Variants in SLC6A16 observed in about 807,000 individuals in gnomAD.
SLC6A16 encodes solute carrier family 6 member 16.
Under a neutral mutation model 65.4 loss-of-function variants are expected in SLC6A16, and 54 were observed. That is an observed-to-expected ratio of 0.83 (90% CI 0.66 to 1.04). The LOEUF (loss-of-function observed/expected upper bound fraction) is 1.04. Among genes scored for constraint, SLC6A16 ranks in the 50% least tolerant of loss-of-function variants. The pLI is 0.00. For synonymous variants in SLC6A16, 330 were observed against 346.5 expected, an observed-to-expected ratio of 0.95 and a Z score of 0.53; for missense variants, 816 against 914.0, an observed-to-expected ratio of 0.89 and a Z score of 1.38.
intron 7 of SLC6A16, among the ~76,000 whole-genome samples, chr19:49,303,612 G>A (rs1304632432): frequency 2.7e-5 from 4 of 148,746 alleles, no homozygotes; most frequent in Non-Finnish European, 4.4e-5. Flanking sequence ...CTGAGATCAC[G>A]CCACTGCACT....
the SLC6A16 span, chr19:49,331,858 G>A: frequency 2.2e-6 from 1 of 456,280 alleles, no homozygotes; most frequent in South Asian, 1.5e-5. Flanking sequence ...CCAAGTTGGT[G>A]AGCATCAAAG....
At chr19:49,336,871 G>A in the SLC6A16 span, 1 of 1,610,504 alleles carries the variant, frequency 6.2e-7, no homozygotes, top group South Asian at 1.1e-5. Flanking sequence ...CTGGAGCTGT[G>A]CCACACAGCT....
the SLC6A16 span, among the ~76,000 whole-genome samples, chr19:49,331,217 G>T: frequency 3.3e-5 from 5 of 152,082 alleles, no homozygotes; most frequent in South Asian, 8.3e-4. Flanking sequence ...GTCTTGCTCT[G>T]TCATCCAGGC....
rs114152936 is a variant in SLC6A16 at position 49,317,030 on chromosome 19, T to C, written c.-64-5619A>G. On this transcript the variant is annotated intron_variant, in intron 1 of 11. Coordinates refer to ENST00000335875, the MANE Select transcript of SLC6A16 (RefSeq NM_014037.3). ...CCAGCCTGAGCAACAGAGTGGGACC[T>C]CATTCTCTAAAAAAATAAAATAAAA... Among the ~76,000 whole-genome samples the C allele has an allele frequency of 2.1e-3, 308 of 149,938 alleles. 1 individual carries two copies. Among genetic ancestry groups the C allele is most frequent in the African/African-American group, 7.2e-3 (291 of 40,616 alleles).
intron 7 of SLC6A16, among the ~76,000 whole-genome samples, chr19:49,299,098 T>TA (rs945581102): frequency 1.3e-5 from 2 of 151,616 alleles, no homozygotes; most frequent in African/African-American, 2.4e-5. Flanking sequence ...ACTAAAAAAT[T>TA]AGCCGGGCAT....
At chr19:49,335,306 G>A in the SLC6A16 span, 1 of 559,340 alleles carries the variant, frequency 1.8e-6, no homozygotes, top group Non-Finnish European at 3.2e-6. The surrounding 1 kb of genome is among the most constrained non-coding windows in gnomAD (Gnocchi z 4.6). Context: ...ACCAGAGCAT[G>A]TGTCCCAGTG....
intron 1 of SLC6A16, 118 bp downstream of exon 1, chr19:49,324,930 G>T: frequency 3.5e-6 from 2 of 568,168 alleles, no homozygotes; most frequent in Non-Finnish European, 4.5e-6. Flanking sequence ...GAGGCTCCCA[G>T]CCAGTCACCT....
chr19:49,340,256 G>A, the SLC6A16 span: 1 of 1,613,318 alleles, frequency 6.2e-7, no homozygotes, highest in Admixed American at 1.7e-5. Flanking sequence ...TATAGCTCGG[G>A]TTCATGACGC....
intron 7 of SLC6A16, among the ~76,000 whole-genome samples, chr19:49,304,268 T>C (rs1970340601): frequency 6.6e-6 from 1 of 152,218 alleles, no homozygotes; most frequent in South Asian, 2.1e-4. Flanking sequence ...CACACTTGTA[T>C]GTCTGATTAG....
chr19:49,337,480 G>A, the SLC6A16 span: 1 of 608,452 alleles, frequency 1.6e-6, no homozygotes, highest in South Asian at 2.0e-5. Context: ...AAAAAATCCG[G>A]GTGTGATGGT....
At chr19:49,329,648 G>A (rs1433265861), upstream of SLC6A16, among the ~76,000 whole-genome samples, 2 of 35,380 alleles carry the variant, frequency 5.7e-5, no homozygotes, top group Non-Finnish European at 1.2e-4. Context: ...TTTTTTTTTT[G>A]AGACAGTCTA....
chr19:49,301,531 C>T (rs1348565262), intron 7 of SLC6A16, among the ~76,000 whole-genome samples: 1 of 152,198 alleles, frequency 6.6e-6, no homozygotes, highest in Non-Finnish European at 1.5e-5. Flanking sequence ...GTGCAGCTCC[C>T]CACAGTTTTC....
chr19:49,305,851 C>T (rs982875831), intron 7 of SLC6A16: 1 of 152,114 alleles, frequency 6.6e-6, no homozygotes, highest in Admixed American at 6.5e-5. Context: ...AAAATGTGCA[C>T]ATATGTAGTA....
chr19:49,293,338 G>A lies in SLC6A16; in HGVS notation c.1663C>T (p.Arg555Ter), dbSNP rs544619102. Reference sequence around the variant, plus strand: ...CTGATGAAGTAGCTGCCTGAAGGTCGAGTGAAGAAGAGGCCGCACACGAAC... The same window carrying A: ...CTGATGAAGTAGCTGCCTGAAGGTCAAGTGAAGAAGAGGCCGCACACGAAC... ...LMFVCGLFFT[R>*]PSGSYFIRLL... Residue 555 changes from arginine to a stop codon, truncating the protein, a stop_gained, in exon 10 of 12, where the codon CGA becomes TGA. Transcript: ENST00000335875. LOFTEE classifies it high-confidence loss of function. 39 of 1,614,130 alleles carry A rather than the reference G, an allele frequency of 2.4e-5. No individual in the cohort carries two copies. The highest frequency in any genetic ancestry group is 6.7e-5 in the Admixed American group (4 of 60,022).
rs1050702230 is a variant in SLC6A16 at position 49,325,183 on chromosome 19, C to T, written c.-200G>A. ...TCGACAGATCGGTTTGGGCGACACCCCTCGATCTGCCTGGCGCGCGGCCTT... is the reference window on the plus strand; with the variant it reads ...TCGACAGATCGGTTTGGGCGACACCTCTCGATCTGCCTGGCGCGCGGCCTT... On this transcript the variant is annotated 5_prime_UTR_variant, in exon 1 of 12. Transcript: ENST00000335875. 3.0e-6 allele frequency: 3 copies of T among 985,548 alleles called. No individual in the cohort carries two copies. Among genetic ancestry groups the T allele is most frequent in the Non-Finnish European group, 3.6e-6 (3 of 829,988 alleles). 61.1% of individuals were successfully genotyped at this position (985,548 alleles called of 1,614,324 possible).
chr19:49,291,401 C>T (rs1970076286), intron 10 of SLC6A16, among the ~76,000 whole-genome samples: 1 of 151,926 alleles, frequency 6.6e-6, no homozygotes, highest in Non-Finnish European at 1.5e-5. Context: ...CTGGGATTTT[C>T]TGCTTATATA....
chr19:49,309,445 T>A, intron 5 of SLC6A16, 34 bp from the exon 6 acceptor site: 1 of 1,521,958 alleles, frequency 6.6e-7, no homozygotes, highest in Non-Finnish European at 9.1e-7. Flanking sequence ...AGCAACCGTG[T>A]ACCAGTAGGG....
intron 7 of SLC6A16, 86 bp from the exon 8 acceptor site, chr19:49,294,639 C>A (rs905710539): frequency 1.6e-6 from 2 of 1,217,684 alleles, no homozygotes; most frequent in East Asian, 2.3e-5. Flanking sequence ...ATAAAAAAGG[C>A]TATCACTGGC....
At chr19:49,338,145 A>G in the SLC6A16 span, 3 of 1,475,064 alleles carry the variant, frequency 2.0e-6, no homozygotes, top group Admixed American at 4.8e-5. The surrounding 1 kb of genome is among the most constrained non-coding windows in gnomAD (Gnocchi z 5.0). Context: ...ACACACCCCA[A>G]TCCCTCCCAG....
Sources: gnomAD v4.1 joint callset for allele counts (sites outside exome capture counted in the v4.1 genomes callset) on GRCh38, gnomAD v4.1.1 for gene constraint, Gnocchi (gnomAD v3.1) non-coding constraint, MANE v1.5 for transcripts, NCBI Gene and HGNC (gene_info 2026-07-23, HGNC 2026-07-21) for gene names.